Variants in ADAMTSL1 observed in about 807,000 individuals in gnomAD.
ADAMTSL1 encodes ADAMTS like 1.
ADAMTSL1 carries 126 observed loss-of-function variants against 201.8 expected under a neutral mutation model. The ratio of observed to expected loss-of-function variants is 0.62; its 90% CI spans 0.54 to 0.72. The LOEUF (loss-of-function observed/expected upper bound fraction) is 0.72, where lower values mean the gene tolerates loss of function less well. ADAMTSL1 is among the 30% of genes least tolerant of loss of function. The pLI is 0.00. For missense variants in ADAMTSL1, 2,679 were observed against 2,277.8 expected, an observed-to-expected ratio of 1.18 and a Z score of -3.59; for synonymous variants, 1,121 against 903.4, an observed-to-expected ratio of 1.24 and a Z score of -4.32.
intron 2 of ADAMTSL1, among the ~76,000 whole-genome samples, chr9:18,203,411 G>A (rs1401422792): frequency 7.9e-5 from 12 of 151,784 alleles, no homozygotes; most frequent in African/African-American, 2.9e-4. Flanking sequence ...AATCTATTAA[G>A]TGATAATTAA....
chr9:18,720,908 G>A (rs1833311294), intron 14 of ADAMTSL1, among the ~76,000 whole-genome samples: 1 of 152,208 alleles, frequency 6.6e-6, no homozygotes, highest in South Asian at 2.1e-4. Flanking sequence ...GTCAGGGCCT[G>A]CGGGTGTCAG....
chr9:18,525,311 A>G (rs908731111), intron 2 of ADAMTSL1, among the ~76,000 whole-genome samples: 4 of 151,784 alleles, frequency 2.6e-5, no homozygotes, highest in South Asian at 4.2e-4. Context: ...TTTTTATTGC[A>G]TCTATTTGAT....
At chr9:18,470,992 G>T (rs1436701711), upstream of ADAMTSL1, among the ~76,000 whole-genome samples, 1 of 152,184 alleles carries the variant, frequency 6.6e-6, no homozygotes, top group Non-Finnish European at 1.5e-5. Flanking sequence ...AAAGGAATTT[G>T]GCCAACGCCC....
At chr9:18,900,582 T>C (rs1299463884) in intron 26 of ADAMTSL1, among the ~76,000 whole-genome samples, 1 of 152,116 alleles carries the variant, frequency 6.6e-6, no homozygotes, top group Non-Finnish European at 1.5e-5. Flanking sequence ...AAAACCATAA[T>C]ACTATGCAGC....
chr9:17,986,952 C>T (rs1818952743), intron 1 of ADAMTSL1, among the ~76,000 whole-genome samples: 1 of 151,970 alleles, frequency 6.6e-6, no homozygotes, highest in Non-Finnish European at 1.5e-5. Flanking sequence ...CTTCTTATAG[C>T]CATTTTAGTG....
intron 10 of ADAMTSL1, among the ~76,000 whole-genome samples, chr9:18,679,716 T>C (rs969352690): frequency 1.3e-5 from 2 of 152,140 alleles, no homozygotes; most frequent in African/African-American, 4.8e-5. Context: ...AGCTTAATAA[T>C]GATAGCACAG....
chr9:18,173,647 T>C (rs772531169), intron 2 of ADAMTSL1, among the ~76,000 whole-genome samples: 2 of 152,054 alleles, frequency 1.3e-5, no homozygotes, highest in Admixed American at 6.6e-5. Context: ...CTAGAAGACA[T>C]TGGAAGTAAT....
intron 2 of ADAMTSL1, among the ~76,000 whole-genome samples, chr9:18,324,411 ATTT>A (rs112245773): frequency 6.9e-6 from 1 of 144,746 alleles, no homozygotes; most frequent in Non-Finnish European, 1.5e-5. Context: ...ATACGCAAAG[ATTT>A]TTTTTTTTTT....
intron 2 of ADAMTSL1, among the ~76,000 whole-genome samples, chr9:18,283,595 G>A (rs1227302898): frequency 3.1e-5 from 3 of 96,490 alleles, no homozygotes; most frequent in Non-Finnish European, 5.6e-5. Context: ...GAAGGAATGA[G>A]AAACTGTATC....
intron 1 of ADAMTSL1, among the ~76,000 whole-genome samples, chr9:17,976,850 G>T (rs1818471964): frequency 6.6e-6 from 1 of 151,530 alleles, no homozygotes; most frequent in South Asian, 2.1e-4. Flanking sequence ...TAGTTGCTCG[G>T]GCTATGACTA....
At chr9:18,169,852 G>A (rs1367391674) in intron 2 of ADAMTSL1, among the ~76,000 whole-genome samples, 1 of 152,020 alleles carries the variant, frequency 6.6e-6, no homozygotes, top group Non-Finnish European at 1.5e-5. Context: ...GGAGAATAGT[G>A]CATTGATTTT....
At chr9:18,198,213 C>G (rs1273319719) in intron 2 of ADAMTSL1, among the ~76,000 whole-genome samples, 1 of 151,534 alleles carries the variant, frequency 6.6e-6, no homozygotes, top group Admixed American at 6.6e-5. Flanking sequence ...GACTTCATGT[C>G]TAAAACACCA....
intron 1 of ADAMTSL1, among the ~76,000 whole-genome samples, chr9:18,504,450 A>T (rs1823013024): frequency 6.6e-6 from 1 of 152,238 alleles, no homozygotes; most frequent in Middle Eastern, 3.2e-3. Flanking sequence ...TTCTCAGGAC[A>T]GAAATACCTC....
At chr9:18,402,616 C>T (rs1818026578) in intron 2 of ADAMTSL1, among the ~76,000 whole-genome samples, 1 of 152,172 alleles carries the variant, frequency 6.6e-6, no homozygotes, top group African/African-American at 2.4e-5. Flanking sequence ...TCCTTTCTTG[C>T]CCTCTGTTTC....
At chr9:18,256,137 C>G (rs1010336349) in intron 2 of ADAMTSL1, among the ~76,000 whole-genome samples, 2 of 152,190 alleles carry the variant, frequency 1.3e-5, no homozygotes, top group South Asian at 4.1e-4. Context: ...GCATAGTCTA[C>G]AAGTCTACAT....
chr9:18,889,028 C>T (rs1829075124), intron 24 of ADAMTSL1, among the ~76,000 whole-genome samples: 8 of 152,200 alleles, frequency 5.3e-5, no homozygotes, highest in Admixed American at 5.2e-4. Flanking sequence ...GAGTCCCAGA[C>T]CCCCAAAGCA....
At chr9:18,115,550 A>G (rs1825214552) in intron 1 of ADAMTSL1, among the ~76,000 whole-genome samples, 1 of 152,146 alleles carries the variant, frequency 6.6e-6, no homozygotes, top group South Asian at 2.1e-4. Context: ...AAGGAAAAAA[A>G]TCTGTATTTT....
At chr9:18,816,720 CTTTTTT>C (rs751791974) in intron 20 of ADAMTSL1, among the ~76,000 whole-genome samples, 2 of 39,720 alleles carry the variant, frequency 5.0e-5, no homozygotes, top group Non-Finnish European at 8.9e-5. Context: ...AACCCTTGGT[CTTTTTT>C]TTTTTTTTTT....
At chr9:18,301,295 G>C (rs1265000351) in intron 2 of ADAMTSL1, among the ~76,000 whole-genome samples, 1 of 152,158 alleles carries the variant, frequency 6.6e-6, no homozygotes, top group East Asian at 1.9e-4. Context: ...TAAAGGAAGT[G>C]AAAAGAGCTA....
Sources: allele counts gnomAD v4.1 joint callset (sites outside exome capture counted in the v4.1 genomes callset), GRCh38; gene constraint gnomAD v4.1.1; transcripts MANE v1.5; gene names NCBI Gene and HGNC (gene_info 2026-07-23, HGNC 2026-07-21).